CWF19L1: variants seen among roughly 807,000 people sequenced by gnomAD.
The protein encoded by CWF19L1 is CWF19 like cell cycle control factor 1.
Under a neutral mutation model 69.7 loss-of-function variants are expected in CWF19L1, and 60 were observed. That is an observed-to-expected ratio of 0.86 (90% CI 0.70 to 1.07). The LOEUF (loss-of-function observed/expected upper bound fraction) is 1.07. CWF19L1 is among the 50% of genes least tolerant of loss of function. The pLI is 0.00. For synonymous variants in CWF19L1, 209 were observed against 222.2 expected (o/e 0.94, Z 0.53); for missense variants, 591 against 638.9 (o/e 0.92, Z 0.81).
At chr10:100,239,760 T>C (rs1846578463) in intron 10 of CWF19L1, among the ~76,000 whole-genome samples, 1 of 152,212 alleles carries the variant, frequency 6.6e-6, no homozygotes, top group Non-Finnish European at 1.5e-5. Context: ...AGGATATGTA[T>C]TGGAAAGATA....
intron 10 of CWF19L1, among the ~76,000 whole-genome samples, chr10:100,242,110 A>G (rs1846656776): frequency 6.6e-6 from 1 of 152,212 alleles, no homozygotes; most frequent in Admixed American, 6.5e-5. Flanking sequence ...GTGAAATAGA[A>G]TGACTTTCCC....
intron 6 of CWF19L1, 68 bp downstream of exon 6, chr10:100,253,353 A>T: frequency 1.1e-6 from 1 of 931,066 alleles, no homozygotes; most frequent in Non-Finnish European, 1.7e-6. Flanking sequence ...AAAACGAACA[A>T]GAGAAGTTTA....
At position 100,248,775 on chromosome 10, in the gene CWF19L1, G is replaced by T. The variant is rs931671167; in HGVS notation, c.708+1473C>A. 4 of 1,418,896 alleles carry T rather than the reference G, an allele frequency of 2.8e-6. No individual in the cohort carries two copies. The African/African-American group carries it at 5.6e-5, about 20-fold the overall frequency. The allele number at this position is 1,418,896 out of a possible 1,614,324, so 87.9% of individuals were successfully genotyped here. On this transcript the variant is annotated intron_variant, in intron 7 of 13. Coordinates refer to ENST00000354105, the MANE Select transcript of CWF19L1 (RefSeq NM_018294.6). ...TGGATGACGTGTCCTTGACACATCT[G>T]ACCTTCGGGAAGGAGTTCACAGAAG... is the stretch of plus-strand genomic sequence containing the variant.
At chr10:100,239,468 G>A (rs1195128649) in intron 10 of CWF19L1, among the ~76,000 whole-genome samples, 9 of 152,208 alleles carry the variant, frequency 5.9e-5, no homozygotes, top group South Asian at 2.1e-4. Flanking sequence ...GTGAAACCCC[G>A]TCTCTACTAA....
At chr10:100,251,647 G>C (rs1017743429) in intron 6 of CWF19L1, among the ~76,000 whole-genome samples, 2 of 151,878 alleles carry the variant, frequency 1.3e-5, no homozygotes, top group Non-Finnish European at 2.9e-5. Context: ...AAGTAGCTGG[G>C]ACTACAGGCG....
At chr10:100,247,174 C>T (rs1370848947) in intron 7 of CWF19L1, among the ~76,000 whole-genome samples, 1 of 152,158 alleles carries the variant, frequency 6.6e-6, no homozygotes, top group Non-Finnish European at 1.5e-5. Context: ...AGCCCCCACC[C>T]TCACAAACCA....
rs73340013 is a variant in CWF19L1 at position 100,234,505 on chromosome 10, C to A, written c.1473-1134G>T. Among the ~76,000 whole-genome samples the A allele has an allele frequency of 2.6e-5, 4 of 152,236 alleles. No homozygotes were observed. The South Asian group carries it at 8.3e-4, about 32-fold the overall frequency. The stretch of plus-strand genomic sequence containing the variant: ...ACCGCATCTGTTGCTGAGGCAACAA[C>A]GAAAACATCACGTCAGATGTCTGAA... On this transcript the variant is annotated intron_variant, in intron 13 of 13. Coordinates refer to ENST00000354105, the MANE Select transcript of CWF19L1 (RefSeq NM_018294.6).
intron 6 of CWF19L1, among the ~76,000 whole-genome samples, chr10:100,251,892 A>G (rs1589624329): frequency 6.6e-6 from 1 of 152,192 alleles, no homozygotes; most frequent in Non-Finnish European, 1.5e-5. Flanking sequence ...GCTTGTTCCC[A>G]AAACTTCTGT....
rs770395556 is a variant in CWF19L1 at position 100,267,631 on chromosome 10, T to C, written c.-38A>G. On this transcript the variant is annotated 5_prime_UTR_variant, in exon 1 of 14. Transcript: ENST00000354105. ...TATGGGTTGCGACTGCCACCTAAAA[T>C]TGGGAATGCGAATCCGCGCTCCCCG... 6.2e-7 allele frequency: 1 copy of C among 1,613,956 alleles called. No homozygotes were observed. Among genetic ancestry groups the C allele is most frequent in the Non-Finnish European group, 8.5e-7 (1 of 1,179,850 alleles).
rs1305335489 is a variant in CWF19L1 at position 100,248,596 on chromosome 10, TATG to T, written c.708+1649_708+1651del. ...CATCTTGACCAGCATTGAAGAGGAT[TATG>T]ATAAGCGTGTGCTGCTGTCCATCAC... is the stretch of plus-strand genomic sequence containing the variant. On this transcript the variant is annotated intron_variant, in intron 7 of 13. Transcript: ENST00000354105. 7.8e-5 allele frequency: 58 copies of T among 741,426 alleles called. No individual in the cohort carries two copies. The South Asian group carries it at 8.3e-4, about 11-fold the overall frequency. 45.9% of individuals were successfully genotyped at this position (741,426 alleles called of 1,614,324 possible).
intron 11 of CWF19L1, among the ~76,000 whole-genome samples, chr10:100,237,773 A>G (rs1846494366): frequency 6.6e-6 from 1 of 151,852 alleles, no homozygotes; most frequent in Non-Finnish European, 1.5e-5. Flanking sequence ...CAGCCTCCCG[A>G]GTAGCTGGGA....
chr10:100,235,819 T>TTCAGTCTAACTCAGATGC, intron 12 of CWF19L1, 55 bp from the exon 13 acceptor site: 1 of 1,206,818 alleles, frequency 8.3e-7, no homozygotes, highest in Non-Finnish European at 1.2e-6. Flanking sequence ...AAATCTATAA[T>TTCAGTCTAACTCAGATGC]CTGAGTTCAT....
intron 1 of CWF19L1, among the ~76,000 whole-genome samples, chr10:100,263,734 G>A (rs542236235): frequency 6.6e-6 from 1 of 152,224 alleles, no homozygotes; most frequent in East Asian, 1.9e-4. Flanking sequence ...GACCCAACAA[G>A]GCCAGCTCCT....
chr10:100,242,399 G>T (rs770666717), intron 10 of CWF19L1, among the ~76,000 whole-genome samples: 4 of 152,232 alleles, frequency 2.6e-5, no homozygotes, highest in Non-Finnish European at 5.9e-5. Context: ...ATAGGCCGGG[G>T]GTGGTGGCTC....
chr10:100,265,326 ATATTT>A (rs1847538294), intron 1 of CWF19L1, among the ~76,000 whole-genome samples: 1 of 151,974 alleles, frequency 6.6e-6, no homozygotes, highest in African/African-American at 2.4e-5. Flanking sequence ...GTTGAAAATA[ATATTT>A]TAATAAATTT....
chr10:100,263,930 G>C (rs1238240886), intron 1 of CWF19L1, among the ~76,000 whole-genome samples: 3 of 152,142 alleles, frequency 2.0e-5, no homozygotes, highest in Non-Finnish European at 4.4e-5. Flanking sequence ...ATGCCAAAGC[G>C]TTCTTAAGCA....
intron 5 of CWF19L1, among the ~76,000 whole-genome samples, chr10:100,255,926 T>C (rs541616352): frequency 6.6e-6 from 1 of 150,822 alleles, no homozygotes; most frequent in South Asian, 2.1e-4. Flanking sequence ...TGAGACTCCA[T>C]CTCAAAAAAA....
intron 10 of CWF19L1, among the ~76,000 whole-genome samples, chr10:100,241,968 A>G (rs556281051): frequency 5.3e-5 from 8 of 152,348 alleles, no homozygotes; most frequent in African/African-American, 1.7e-4. Context: ...AGTGTTAAAA[A>G]TTAAGTTTTC....
At chr10:100,254,555 G>A (rs1847146933) in intron 5 of CWF19L1, 1 of 152,076 alleles carries the variant, frequency 6.6e-6, no homozygotes, top group Non-Finnish European at 1.5e-5. Flanking sequence ...CGTAAAGCAG[G>A]AATTTCCTTT....
Sources: gnomAD v4.1 joint callset for allele counts (sites outside exome capture counted in the v4.1 genomes callset) on GRCh38, gnomAD v4.1.1 for gene constraint, MANE v1.5 for transcripts, NCBI Gene and HGNC (gene_info 2026-07-23, HGNC 2026-07-21) for gene names.